CCSER1: variants seen among roughly 807,000 people sequenced by gnomAD.
CCSER1 encodes serine-rich coiled-coil domain-containing protein 1.
Under a neutral mutation model 82.0 loss-of-function variants are expected in CCSER1, and 41 were observed. The ratio of observed to expected loss-of-function variants is 0.50; its 90% CI spans 0.39 to 0.65. CCSER1 has a LOEUF of 0.65. Among genes scored for constraint, CCSER1 ranks in the 30% least tolerant of loss-of-function variants. CCSER1 has a pLI of 0.00. For missense variants in CCSER1, 1,119 were observed against 1,064.2 expected (o/e 1.05, Z -0.72); for synonymous variants, 414 against 383.9 (o/e 1.08, Z -0.92).
chr4:90,997,927 C>A (rs932304710), intron 9 of CCSER1, among the ~76,000 whole-genome samples: 1 of 152,120 alleles, frequency 6.6e-6, no homozygotes, highest in African/African-American at 2.4e-5. Flanking sequence ...TGAAGTCCAG[C>A]TCTGTAAAGG....
intron 10 of CCSER1, among the ~76,000 whole-genome samples, chr4:91,113,965 G>T (rs1014774468): frequency 9.9e-5 from 15 of 151,836 alleles, no homozygotes; most frequent in African/African-American, 2.9e-4. Context: ...CCGTTCTCCT[G>T]CCTCAGCCTC....
intron 1 of CCSER1, among the ~76,000 whole-genome samples, chr4:90,227,899 A>G (rs571526204): frequency 2.8e-4 from 43 of 152,326 alleles, no homozygotes; most frequent in African/African-American, 1.0e-3. Flanking sequence ...CCACCCGAAT[A>G]CAGCGCTTTT....
intron 10 of CCSER1, among the ~76,000 whole-genome samples, chr4:91,127,003 C>G (rs570028262): frequency 1.6e-4 from 25 of 151,854 alleles, no homozygotes; most frequent in Middle Eastern, 6.8e-3. Flanking sequence ...TGCCTTATGA[C>G]AAAGACAATT....
intron 10 of CCSER1, among the ~76,000 whole-genome samples, chr4:91,407,893 G>A (rs1752796927): frequency 6.6e-6 from 1 of 152,176 alleles, no homozygotes; most frequent in African/African-American, 2.4e-5. Flanking sequence ...TATTCAAACT[G>A]TAGTCATCTC....
chr4:90,583,456 G>A (rs1560760228), intron 5 of CCSER1, among the ~76,000 whole-genome samples: 2 of 152,040 alleles, frequency 1.3e-5, no homozygotes, highest in African/African-American at 2.4e-5. Flanking sequence ...ATGAGCCACC[G>A]CGCCTGGCTG....
intron 9 of CCSER1, among the ~76,000 whole-genome samples, chr4:90,957,515 A>AAT (rs1278404983): frequency 8.7e-6 from 1 of 114,508 alleles, no homozygotes; most frequent in African/African-American, 2.9e-5. Context: ...ATATAATATA[A>AAT]CATAATATCA....
intron 10 of CCSER1, among the ~76,000 whole-genome samples, chr4:91,514,180 AT>A (rs1250902414): frequency 6.6e-6 from 1 of 152,076 alleles, no homozygotes; most frequent in Non-Finnish European, 1.5e-5. Context: ...ATTTCAAATA[AT>A]TTTTTTATTT....
chr4:90,800,913 A>G (rs1756717711), intron 7 of CCSER1, among the ~76,000 whole-genome samples: 1 of 152,222 alleles, frequency 6.6e-6, no homozygotes, highest in African/African-American at 2.4e-5. Context: ...AAACAAAAAA[A>G]TAAGGAAAGA....
intron 1 of CCSER1, among the ~76,000 whole-genome samples, chr4:90,169,527 G>A (rs1731228969): frequency 6.6e-6 from 1 of 152,160 alleles, no homozygotes; most frequent in East Asian, 1.9e-4. Flanking sequence ...AATAGGAGTG[G>A]TGAGAGAGGG....
chr4:90,260,109 G>A (rs929509327), intron 1 of CCSER1, among the ~76,000 whole-genome samples: 1 of 151,934 alleles, frequency 6.6e-6, no homozygotes, highest in African/African-American at 2.4e-5. Flanking sequence ...CTTTTCACTG[G>A]CAATTTTTTA....
chr4:91,546,166 G>T (rs1761879560), intron 10 of CCSER1, among the ~76,000 whole-genome samples: 1 of 152,030 alleles, frequency 6.6e-6, no homozygotes, highest in Admixed American at 6.6e-5. Flanking sequence ...TATATATTGG[G>T]TTTGATTTAC....
At chr4:90,912,044 C>T (rs935562881) in intron 8 of CCSER1, among the ~76,000 whole-genome samples, 1 of 152,220 alleles carries the variant, frequency 6.6e-6, no homozygotes. Context: ...GTAGACTCCA[C>T]CTCTGGTGGC....
At chr4:91,449,637 C>G (rs750297512) in intron 10 of CCSER1, among the ~76,000 whole-genome samples, 3 of 152,026 alleles carry the variant, frequency 2.0e-5, no homozygotes, top group Non-Finnish European at 2.9e-5. Context: ...GTTCTCCTCA[C>G]TCCAAGATTA....
intron 9 of CCSER1, among the ~76,000 whole-genome samples, chr4:90,963,958 A>C (rs2150381639): frequency 6.6e-6 from 1 of 152,274 alleles, no homozygotes; most frequent in Admixed American, 6.5e-5. Context: ...TCTGGGGTAG[A>C]AAAACAACAT....
intron 10 of CCSER1, among the ~76,000 whole-genome samples, chr4:91,150,446 C>G (rs1334521353): frequency 6.6e-6 from 1 of 152,200 alleles, no homozygotes; most frequent in Admixed American, 6.5e-5. Flanking sequence ...TTGACTCCCT[C>G]TTTTCCTAAT....
rs150139070 is a variant in CCSER1 at position 90,529,428 on chromosome 4, C to G, written c.1724+61074C>G. Among the ~76,000 whole-genome samples, 195 of 152,194 alleles carry G rather than the reference C, an allele frequency of 1.3e-3. 1 individual carries two copies. The highest frequency in any genetic ancestry group is 4.4e-3 in the African/African-American group (182 of 41,548). On this transcript the variant is annotated intron_variant, in intron 5 of 10. Transcript: ENST00000509176. ...TATGTTTAATGGAGATGAAGTTTCA[C>G]CATGTTGGCTAAGCTGGTCTTGAAC...
chr4:91,465,635 A>C (rs1756847616), intron 10 of CCSER1, among the ~76,000 whole-genome samples: 2 of 152,190 alleles, frequency 1.3e-5, no homozygotes, highest in Admixed American at 1.3e-4. Flanking sequence ...AAGAGAGAAG[A>C]ATCAAATAGA....
At chr4:90,709,381 C>G (rs755469808) in intron 6 of CCSER1, among the ~76,000 whole-genome samples, 1 of 151,956 alleles carries the variant, frequency 6.6e-6, no homozygotes, top group African/African-American at 2.4e-5. Context: ...CATCCCATCA[C>G]CTAGGTATTA....
chr4:90,749,189 T>C (rs1365744920), intron 7 of CCSER1, among the ~76,000 whole-genome samples: 1 of 151,124 alleles, frequency 6.6e-6, no homozygotes, highest in Non-Finnish European at 1.5e-5. Flanking sequence ...TTTAAGTCTT[T>C]AATCCATCTT....
Sources: allele counts gnomAD v4.1 joint callset (sites outside exome capture counted in the v4.1 genomes callset), GRCh38; gene constraint gnomAD v4.1.1; transcripts MANE v1.5; gene names NCBI Gene and HGNC (gene_info 2026-07-23, HGNC 2026-07-21).